The following STX6 variants were observed in gnomAD, a reference collection of about 807,000 sequenced individuals.
STX6 encodes the protein syntaxin-6.
A neutral mutation model predicts 38.0 loss-of-function variants in STX6; 23 were observed. The ratio of observed to expected loss-of-function variants is 0.60; its 90% CI spans 0.43 to 0.86. STX6 has a LOEUF of 0.86. Ranked by LOEUF, STX6 falls within the 40% of genes least tolerant of loss-of-function variation. The pLI is 0.00. For synonymous variants in STX6, 123 were observed against 107.5 expected (o/e 1.14, Z -0.89); for missense variants, 274 against 312.9 (o/e 0.88, Z 0.94).
chr1:181,007,650 T>G (rs1270608018), intron 1 of STX6, among the ~76,000 whole-genome samples: 1 of 152,248 alleles, frequency 6.6e-6, no homozygotes, highest in Non-Finnish European at 1.5e-5. Context: ...TACACAATGA[T>G]GATGCTGGAA....
rs773619904 is a variant in STX6, at chr1:180,990,016, G to A, written c.457C>T (p.His153Tyr). Residue 153 changes from histidine (H) to tyrosine (Y), a missense_variant, in exon 5 of 8, where the codon CAT (histidine) becomes TAT (tyrosine). By Grantham distance (83) the His-to-Tyr change is moderately conservative (BLOSUM62 2). Coordinates refer to ENST00000258301, the MANE Select transcript of STX6 (RefSeq NM_005819.6). ...LDRELQRANS[H>Y]FIEEQQAQQQ... ...TGTGCCTGCTGCTCCTCAATGAAAT[G>A]AGAATTGGCTCTCTGGAGCTCTCGG... The A allele has an allele frequency of 1.2e-6, 2 of 1,613,966 alleles. No individual in the cohort carries two copies. The highest frequency in any genetic ancestry group is 1.7e-4 in the Middle Eastern group (1 of 6,002).
At chr1:181,005,075 A>ATT in intron 2 of STX6, 1 of 269,842 alleles carries the variant, frequency 3.7e-6, no homozygotes, top group Non-Finnish European at 5.7e-6. Context: ...ATATATATAT[A>ATT]TACATTTATA....
Position 181,019,708 on chromosome 1 carries a change from C to T in STX6, c.35+2931G>A, listed in dbSNP as rs116739931. ...TTAAGTAGGGTACACCTGTCTAGGA[C>T]TCTAGAAAAGCTTACACTGTGCTGT... On this transcript the variant is annotated intron_variant, in intron 1 of 7. Coordinates refer to ENST00000258301, the MANE Select transcript of STX6 (RefSeq NM_005819.6). Among the ~76,000 whole-genome samples, 759 of 152,268 alleles carry T rather than the reference C, an allele frequency of 5.0e-3. 9 individuals carry two copies. The highest frequency in any genetic ancestry group is 0.018 in the African/African-American group (731 of 41,526).
intron 1 of STX6, among the ~76,000 whole-genome samples, chr1:181,006,475 T>C (rs777134232): frequency 2.0e-5 from 3 of 151,008 alleles, no homozygotes; most frequent in African/African-American, 7.3e-5. Context: ...ACCCCCACCA[T>C]TGGGCCAATA....
chr1:181,008,592 A>T (rs1656294914), intron 1 of STX6, among the ~76,000 whole-genome samples: 1 of 152,084 alleles, frequency 6.6e-6, no homozygotes. Context: ...GTATTGCAGA[A>T]CCTCCAAATG....
intron 4 of STX6, among the ~76,000 whole-genome samples, chr1:180,992,043 G>C (rs1014219547): frequency 2.0e-5 from 3 of 151,406 alleles, no homozygotes; most frequent in African/African-American, 4.9e-5. Context: ...AACAGCATAG[G>C]TGTTACTGAC....
chr1:180,976,490 C>A lies in STX6; in HGVS notation c.*80G>T. 8.2e-7 allele frequency: 1 copy of A among 1,221,010 alleles called. No homozygotes were observed. Among genetic ancestry groups the A allele is most frequent in the Non-Finnish European group, 1.2e-6 (1 of 827,734 alleles). The allele number at this position is 1,221,010 out of a possible 1,614,324, so 75.6% of individuals were successfully genotyped here. ...TTTCCAGGATAGGAATGTGAGTAGA[C>A]GGCAATGTCACACGTGCTCAGCTTC... On this transcript the variant is annotated 3_prime_UTR_variant, in exon 8 of 8. Transcript: ENST00000258301.
At chr1:180,993,323 G>A in intron 4 of STX6, 40 bp downstream of exon 4, 1 of 1,140,256 alleles carries the variant, frequency 8.8e-7, no homozygotes, top group Non-Finnish European at 1.3e-6. Flanking sequence ...CTAACTGTAT[G>A]CTTTCTGTCA....
chr1:181,009,423 C>G (rs186894648), intron 1 of STX6, among the ~76,000 whole-genome samples: 3 of 145,726 alleles, frequency 2.1e-5, no homozygotes, highest in South Asian at 2.2e-4. Flanking sequence ...GAACCGAGAT[C>G]GTGCCATTGC....
intron 1 of STX6, among the ~76,000 whole-genome samples, chr1:181,016,208 AG>A: frequency 6.9e-6 from 1 of 145,540 alleles, no homozygotes; most frequent in Non-Finnish European, 1.5e-5. Flanking sequence ...TTCAGTTGGC[AG>A]GTCTTCTTCC....
At chr1:180,979,081 G>C (rs1359100888) in intron 7 of STX6, among the ~76,000 whole-genome samples, 1 of 152,060 alleles carries the variant, frequency 6.6e-6, no homozygotes, top group Non-Finnish European at 1.5e-5. Context: ...AAGAACACAT[G>C]GATAATGTAG....
intron 2 of STX6, among the ~76,000 whole-genome samples, chr1:181,003,572 T>C (rs1397227552): frequency 1.3e-5 from 2 of 152,330 alleles, no homozygotes; most frequent in African/African-American, 2.4e-5. Flanking sequence ...CTTTTAATAA[T>C]GTAAAAGGTA....
At position 180,973,905 on chromosome 1, in the gene STX6, T is replaced by C. The variant is rs1655184484; in HGVS notation, c.*2665A>G. 1 of 152,182 alleles carries C rather than the reference T, an allele frequency of 6.6e-6. No homozygotes were observed. The highest frequency in any genetic ancestry group is 1.5e-5 in the Non-Finnish European group (1 of 68,010). The allele number at this position is 152,182 out of a possible 1,614,324, so 9.4% of individuals were successfully genotyped here. A position where few individuals can be genotyped will look rare whatever the true frequency, so the allele number is the denominator to read the frequency against. ...TATCCATCACATTCTGCCAGTTCTT[T>C]AAAACTGGAATATGGTACTAGGTAC... On this transcript the variant is annotated 3_prime_UTR_variant, in exon 8 of 8. Transcript: ENST00000258301.
intron 2 of STX6, among the ~76,000 whole-genome samples, chr1:181,004,784 C>A (rs778502470): frequency 1.3e-5 from 2 of 151,924 alleles, no homozygotes; most frequent in Non-Finnish European, 2.9e-5. Context: ...CCAATTTATA[C>A]GTGGTCAGTT....
intron 1 of STX6, among the ~76,000 whole-genome samples, chr1:181,010,201 G>C (rs1656351646): frequency 6.6e-6 from 1 of 151,948 alleles, no homozygotes; most frequent in South Asian, 2.1e-4. Context: ...ACACCAAAAA[G>C]GTTGCTTTTT....
intron 1 of STX6, among the ~76,000 whole-genome samples, chr1:181,010,404 C>A (rs764383177): frequency 1.3e-5 from 2 of 152,154 alleles, no homozygotes; most frequent in East Asian, 3.9e-4. Flanking sequence ...CGGGTTCAAT[C>A]GATTCTCCTG....
intron 7 of STX6, among the ~76,000 whole-genome samples, chr1:180,978,600 C>G (rs185945809): frequency 6.6e-6 from 1 of 152,168 alleles, no homozygotes; most frequent in African/African-American, 2.4e-5. Flanking sequence ...AGAATCACTA[C>G]GAAATACTCC....
chr1:180,997,299 C>G (rs749789061), intron 3 of STX6, among the ~76,000 whole-genome samples: 5 of 152,184 alleles, frequency 3.3e-5, no homozygotes, highest in Non-Finnish European at 7.3e-5. Flanking sequence ...CTGGGTAATA[C>G]AGGACCCACT....
chr1:180,987,270 C>G (rs1276984512), intron 6 of STX6, among the ~76,000 whole-genome samples: 2 of 152,220 alleles, frequency 1.3e-5, no homozygotes, highest in Non-Finnish European at 2.9e-5. Context: ...TCCACACATC[C>G]TTCAGATTTC....
Sources: allele counts gnomAD v4.1 joint callset (sites outside exome capture counted in the v4.1 genomes callset), GRCh38; gene constraint gnomAD v4.1.1; transcripts MANE v1.5; gene names NCBI Gene and HGNC (gene_info 2026-07-23, HGNC 2026-07-21).